Variants in PHTF2 observed in about 807,000 individuals in gnomAD.
The protein encoded by PHTF2 is putative homeodomain transcription factor 2.
In PHTF2, 60 loss-of-function variants were observed where a neutral mutation model predicts 101.2. The observed-to-expected ratio is 0.59, with a 90% CI of 0.48 to 0.73. PHTF2 has a LOEUF of 0.73. Ranked by LOEUF, PHTF2 falls within the 30% of genes least tolerant of loss-of-function variation. The pLI is 0.00. For missense variants in PHTF2, 747 were observed against 908.7 expected (o/e 0.82, Z 2.29); for synonymous variants, 311 against 307.3 (o/e 1.01, Z -0.13).
At chr7:77,806,471 A>T (rs1792993241) in intron 1 of PHTF2, among the ~76,000 whole-genome samples, 1 of 152,152 alleles carries the variant, frequency 6.6e-6, no homozygotes, top group Admixed American at 6.5e-5. Context: ...TTGTATAGCC[A>T]TTCAGACTTT....
Position 77,895,220 on chromosome 7 carries a change from A to C in PHTF2, c.216+1227A>C, listed in dbSNP as rs574775883. ...GTATGTGTTTGTATGTGATACATAC[A>C]TACATATATAAAACATTATATAGAT... On this transcript the variant is annotated intron_variant, in intron 5 of 19. Coordinates refer to ENST00000416283, the Ensembl canonical transcript of PHTF2. The C allele has an allele frequency of 1.1e-5, 5 of 449,248 alleles. No homozygotes were observed. The East Asian group carries it at 2.1e-4, about 19-fold the overall frequency. The allele number at this position is 449,248 out of a possible 1,614,324, so 27.8% of individuals were successfully genotyped here.
At chr7:77,857,424 A>T (rs1797273704) in intron 3 of PHTF2, among the ~76,000 whole-genome samples, 1 of 152,226 alleles carries the variant, frequency 6.6e-6, no homozygotes. Context: ...ATTATCCGCT[A>T]AGGAATTCTC....
chr7:77,850,025 G>C (rs1472704708), intron 2 of PHTF2, among the ~76,000 whole-genome samples: 1 of 151,692 alleles, frequency 6.6e-6, no homozygotes, highest in Non-Finnish European at 1.5e-5. Context: ...CCCTAGCTAG[G>C]ACTTCCATTG....
intron 13 of PHTF2, among the ~76,000 whole-genome samples, chr7:77,939,358 C>T (rs1351740288): frequency 6.6e-6 from 1 of 152,018 alleles, no homozygotes; most frequent in African/African-American, 2.4e-5. Flanking sequence ...GTAATCTCAA[C>T]ACTTTGGGAG....
chr7:77,920,905 G>A (rs1041279113), intron 10 of PHTF2, among the ~76,000 whole-genome samples: 3 of 151,934 alleles, frequency 2.0e-5, no homozygotes, highest in African/African-American at 7.3e-5. Flanking sequence ...CGCTGGTCTC[G>A]AACTTCTGGA....
intron 1 of PHTF2, among the ~76,000 whole-genome samples, chr7:77,828,356 GGTAGA>G (rs1256618210): frequency 1.3e-5 from 2 of 152,192 alleles, no homozygotes; most frequent in African/African-American, 4.8e-5. Flanking sequence ...CTCAAGGAAT[GGTAGA>G]GTAAATTAAT....
chr7:77,935,515 G>A (rs143069999), intron 12 of PHTF2, among the ~76,000 whole-genome samples: 20 of 152,150 alleles, frequency 1.3e-4, no homozygotes, highest in Admixed American at 5.2e-4. Flanking sequence ...GTGAGCCACC[G>A]CGCCCGGCGT....
chr7:77,870,739 C>T (rs1798448058), intron 3 of PHTF2, among the ~76,000 whole-genome samples: 1 of 152,196 alleles, frequency 6.6e-6, no homozygotes, highest in Admixed American at 6.5e-5. Flanking sequence ...TGAACCCATA[C>T]ACATCTCCTG....
chr7:77,881,871 T>G (rs1312173199), intron 3 of PHTF2, among the ~76,000 whole-genome samples: 1 of 152,248 alleles, frequency 6.6e-6, no homozygotes, highest in African/African-American at 2.4e-5. Context: ...GCAACAGTAC[T>G]TACTTGATTC....
chr7:77,873,104 A>G (rs1278617552), intron 3 of PHTF2, among the ~76,000 whole-genome samples: 2 of 151,714 alleles, frequency 1.3e-5, no homozygotes, highest in Non-Finnish European at 2.9e-5. Context: ...AATTTTTTGT[A>G]TTTTAGTAGA....
At chr7:77,828,585 C>T (rs1021359529) in intron 1 of PHTF2, among the ~76,000 whole-genome samples, 2 of 151,764 alleles carry the variant, frequency 1.3e-5, no homozygotes, top group East Asian at 1.9e-4. Context: ...CTGAGGCAGG[C>T]AGATCACTTG....
At chr7:77,814,660 C>T (rs6976465) in intron 1 of PHTF2, among the ~76,000 whole-genome samples, 129,296 of 151,978 alleles carry the variant, frequency 0.85, 55,578 homozygotes, top group East Asian at 1. Context: ...TACAGGCACG[C>T]GCCACCGCGC....
At chr7:77,802,370 A>G (rs1388322052) in intron 1 of PHTF2, among the ~76,000 whole-genome samples, 1 of 152,192 alleles carries the variant, frequency 6.6e-6, no homozygotes. Context: ...TCACCTTCCA[A>G]TACTTACTTT....
intron 11 of PHTF2, among the ~76,000 whole-genome samples, chr7:77,926,221 A>G (rs1217267074): frequency 6.6e-6 from 1 of 152,220 alleles, no homozygotes; most frequent in Non-Finnish European, 1.5e-5. Context: ...TATATATAAT[A>G]AACTATCTTT....
chr7:77,912,163 A>T (rs895621101), intron 9 of PHTF2, among the ~76,000 whole-genome samples: 1 of 152,248 alleles, frequency 6.6e-6, no homozygotes, highest in Non-Finnish European at 1.5e-5. Flanking sequence ...GGGCAGCAGC[A>T]TGACCATGAT....
At chr7:77,831,908 T>G (rs1414836425) in intron 1 of PHTF2, among the ~76,000 whole-genome samples, 1 of 152,120 alleles carries the variant, frequency 6.6e-6, no homozygotes, top group Non-Finnish European at 1.5e-5. Flanking sequence ...AGTTTATGTC[T>G]GTCTGTGCAG....
chr7:77,891,529 C>T (rs1032771210), intron 3 of PHTF2, among the ~76,000 whole-genome samples: 46 of 152,030 alleles, frequency 3.0e-4, no homozygotes, highest in African/African-American at 1.0e-3. Flanking sequence ...GTCTAGGTAG[C>T]TTGGTCTAGG....
intron 13 of PHTF2, among the ~76,000 whole-genome samples, chr7:77,939,589 CAAAA>C (rs914007792): frequency 2.7e-5 from 2 of 75,098 alleles, no homozygotes; most frequent in South Asian, 4.8e-4. Flanking sequence ...GACCCTGTCT[CAAAA>C]AAAAAAAAAA....
rs540805117 is a variant in PHTF2 at position 77,954,329 on chromosome 7, T to C, written c.2337+435T>C. Among the ~76,000 whole-genome samples the C allele has an allele frequency of 1.2e-4, 18 of 152,158 alleles. No individual in the cohort carries two copies. The South Asian group carries it at 3.7e-3, about 32-fold the overall frequency. On this transcript the variant is annotated intron_variant, in intron 19 of 19. Transcript: ENST00000416283. ...TTGTATTTTTAGTAGAGACAGTGTTTCACCATGTTAGCCAGGCTGGTCTCG... is the reference window on the plus strand; with the variant it reads ...TTGTATTTTTAGTAGAGACAGTGTTCCACCATGTTAGCCAGGCTGGTCTCG...
Sources: gnomAD v4.1 joint callset for allele counts (sites outside exome capture counted in the v4.1 genomes callset) on GRCh38, gnomAD v4.1.1 for gene constraint, MANE v1.5 for transcripts, NCBI Gene and HGNC (gene_info 2026-07-23, HGNC 2026-07-21) for gene names.